LIPI: variants seen among roughly 807,000 people sequenced by gnomAD.
LIPI encodes lipase member I.
LIPI carries 59 observed loss-of-function variants against 50.6 expected under a neutral mutation model. The ratio of observed to expected loss-of-function variants is 1.16; its 90% CI spans 0.94 to 1.45. LIPI has a LOEUF of 1.45. LIPI is among the 40% of genes most tolerant of loss of function. The probability of loss-of-function intolerance (pLI) is 0.00; values close to 1 mark genes in which losing one functional copy is unlikely to be tolerated. For missense variants in LIPI, 586 were observed against 536.3 expected (o/e 1.09, Z -0.92); for synonymous variants, 203 against 178.2 (o/e 1.14, Z -1.11).
intron 1 of LIPI, among the ~76,000 whole-genome samples, chr21:14,198,546 C>T (rs2019941520): frequency 6.6e-6 from 1 of 152,056 alleles, no homozygotes; most frequent in African/African-American, 2.4e-5. Context: ...GTAAAGGGTT[C>T]CATTCAACAA....
chr21:14,175,726 T>C (rs879667090), intron 4 of LIPI, among the ~76,000 whole-genome samples: 4 of 152,214 alleles, frequency 2.6e-5, no homozygotes, highest in Non-Finnish European at 5.9e-5. Context: ...GTTCAAGGTT[T>C]TTTTCATCTT....
chr21:14,148,830 T>C (rs971258443), intron 8 of LIPI, among the ~76,000 whole-genome samples: 1 of 152,210 alleles, frequency 6.6e-6, no homozygotes, highest in Non-Finnish European at 1.5e-5. Flanking sequence ...CAAGATTAGG[T>C]GGACAGATTA....
Position 14,189,310 on chromosome 21 carries a change from GTTGTTCC to G in LIPI, c.149_155del (p.Arg50ThrfsTer2). 1.2e-6 allele frequency: 2 copies of G among 1,613,606 alleles called. No homozygotes were observed. Among genetic ancestry groups the G allele is most frequent in the Non-Finnish European group, 1.7e-6 (2 of 1,179,588 alleles). On this transcript the variant is annotated frameshift_variant, in exon 2 of 10. Coordinates refer to ENST00000681601, the MANE Select transcript of LIPI (RefSeq NM_001302998.2). LOFTEE classifies it high-confidence loss of function. ...CAAACAGTGGCTCAGCACAGTTTAG[GTTGTTCC>G]TTGTATACATCATCAGAATGGTCTC...
chr21:14,137,565 A>T (rs1310182681), intron 9 of LIPI, among the ~76,000 whole-genome samples: 1 of 152,160 alleles, frequency 6.6e-6, no homozygotes, highest in Non-Finnish European at 1.5e-5. Context: ...ATATAAAGCA[A>T]GGTAGCATGC....
chr21:14,136,760 G>T (rs1367477250), intron 9 of LIPI, among the ~76,000 whole-genome samples: 1 of 152,128 alleles, frequency 6.6e-6, no homozygotes, highest in East Asian at 1.9e-4. Context: ...TAGGTCTTGG[G>T]CAAGACCCAG....
At chr21:14,119,435 T>C (rs535120512) in intron 9 of LIPI, among the ~76,000 whole-genome samples, 4 of 152,118 alleles carry the variant, frequency 2.6e-5, no homozygotes, top group Non-Finnish European at 5.9e-5. Context: ...CAGCATGAGC[T>C]TGGGTGGGAG....
Position 14,190,458 on chromosome 21 carries a change from C to G in LIPI, c.47-1039G>C, listed in dbSNP as rs193078298. Among the ~76,000 whole-genome samples, 18 of 152,116 alleles carry G rather than the reference C, an allele frequency of 1.2e-4. No homozygotes were observed. In the East Asian group the frequency reaches 3.5e-3, roughly 29 times the overall value. ...CCAAAAATTAACAAAAGTATTAATG[C>G]ACTTTATGCCAGTAATTCCACTTTA... On this transcript the variant is annotated intron_variant, in intron 1 of 9. Transcript: ENST00000681601.
intron 9 of LIPI, among the ~76,000 whole-genome samples, chr21:14,140,758 C>T (rs1017080576): frequency 1.3e-5 from 2 of 151,984 alleles, no homozygotes; most frequent in Non-Finnish European, 2.9e-5. Context: ...TCCATTTATT[C>T]CATTATATTC....
intron 9 of LIPI, among the ~76,000 whole-genome samples, chr21:14,140,447 G>T (rs2017664732): frequency 1.3e-5 from 2 of 151,956 alleles, no homozygotes; most frequent in South Asian, 4.1e-4. Context: ...CATTACAAAA[G>T]TTTTCTCAGT....
At chr21:14,116,530 A>G (rs983056610) in intron 9 of LIPI, among the ~76,000 whole-genome samples, 3 of 152,204 alleles carry the variant, frequency 2.0e-5, no homozygotes, top group Non-Finnish European at 4.4e-5. Context: ...AACTTTAAGA[A>G]AGGCTTTGAT....
intron 1 of LIPI, among the ~76,000 whole-genome samples, chr21:14,192,348 C>G (rs951688233): frequency 6.6e-6 from 1 of 151,962 alleles, no homozygotes; most frequent in African/African-American, 2.4e-5. Context: ...GCCTGTAATC[C>G]CAGCTACTTG....
intron 9 of LIPI, among the ~76,000 whole-genome samples, chr21:14,142,091 C>G (rs1490449248): frequency 6.6e-6 from 1 of 152,088 alleles, no homozygotes; most frequent in African/African-American, 2.4e-5. Flanking sequence ...TACAGCCTAG[C>G]CTTAGTGGAC....
intron 9 of LIPI, among the ~76,000 whole-genome samples, chr21:14,116,988 A>G (rs1275645622): frequency 6.6e-6 from 1 of 152,154 alleles, no homozygotes; most frequent in Non-Finnish European, 1.5e-5. Context: ...AGCTGCCTCC[A>G]GAGGGTTGGA....
chr21:14,145,312 C>A (rs1321918096), intron 8 of LIPI, among the ~76,000 whole-genome samples: 1 of 152,134 alleles, frequency 6.6e-6, no homozygotes, highest in Admixed American at 6.6e-5. Flanking sequence ...CATTTAACTA[C>A]CTGAAAAACT....
chr21:14,207,509 G>T (rs1188264193), intron 1 of LIPI, among the ~76,000 whole-genome samples: 1 of 152,112 alleles, frequency 6.6e-6, no homozygotes, highest in South Asian at 2.1e-4. Flanking sequence ...TGCTGAAAAT[G>T]AATCTGACTA....
chr21:14,152,802 A>T (rs1015295298), intron 7 of LIPI, 118 bp from the exon 8 acceptor site: 5 of 575,452 alleles, frequency 8.7e-6, no homozygotes, highest in Non-Finnish European at 1.6e-5. Flanking sequence ...GGCTCATATT[A>T]CATATGCAAA....
chr21:14,192,766 A>C (rs2019720967), intron 1 of LIPI, among the ~76,000 whole-genome samples: 1 of 152,206 alleles, frequency 6.6e-6, no homozygotes, highest in Non-Finnish European at 1.5e-5. Flanking sequence ...TGTCCTTTAA[A>C]AATGAGGAAG....
chr21:14,165,101 C>T, intron 6 of LIPI, 122 bp downstream of exon 6: 1 of 715,712 alleles, frequency 1.4e-6, no homozygotes, highest in African/African-American at 1.8e-5. Flanking sequence ...ATGATTTTTC[C>T]ATAAAATGGT....
intron 9 of LIPI, among the ~76,000 whole-genome samples, chr21:14,127,657 GATAA>G (rs1568837195): frequency 2.0e-5 from 3 of 152,222 alleles, no homozygotes; most frequent in African/African-American, 7.2e-5. Flanking sequence ...AAGACAGTGA[GATAA>G]ATAAAATATG....
Sources: gnomAD v4.1 joint callset for allele counts (sites outside exome capture counted in the v4.1 genomes callset) on GRCh38, gnomAD v4.1.1 for gene constraint, MANE v1.5 for transcripts, NCBI Gene and HGNC (gene_info 2026-07-23, HGNC 2026-07-21) for gene names.